Variants in ZNRF1 observed in about 807,000 individuals in gnomAD.
The protein encoded by ZNRF1 is zinc and ring finger 1, also known as E3 ubiquitin-protein ligase ZNRF1.
Under a neutral mutation model 18.4 loss-of-function variants are expected in ZNRF1, and 3 were observed. The ratio of observed to expected loss-of-function variants is 0.16; its 90% CI spans 0.07 to 0.42. The LOEUF (loss-of-function observed/expected upper bound fraction) is 0.42. ZNRF1 is among the 10% of genes least tolerant of loss of function. The pLI is 0.99. For synonymous variants in ZNRF1, 157 were observed against 144.2 expected, an observed-to-expected ratio of 1.09 and a Z score of -0.64; for missense variants, 310 against 329.8, an observed-to-expected ratio of 0.94 and a Z score of 0.47.
chr16:75,002,731 T>C (rs974646167), intron 1 of ZNRF1, among the ~76,000 whole-genome samples: 7 of 152,230 alleles, frequency 4.6e-5, no homozygotes, highest in Admixed American at 1.3e-4. Context: ...AGCTCCAGCC[T>C]TGCTCCGCAA....
intron 1 of ZNRF1, chr16:75,000,345 C>CT (rs1324037323): frequency 4.4e-6 from 3 of 682,216 alleles, no homozygotes; most frequent in African/African-American, 1.8e-5. Flanking sequence ...CGAAGCCTAC[C>CT]TATTGGAGTT....
intron 1 of ZNRF1, among the ~76,000 whole-genome samples, chr16:75,078,081 ATGT>A (rs986569492): frequency 1.3e-5 from 2 of 152,122 alleles, no homozygotes; most frequent in Non-Finnish European, 2.9e-5. Context: ...GGTTGCACAC[ATGT>A]TCCCATGTAA....
intron 1 of ZNRF1, among the ~76,000 whole-genome samples, chr16:75,067,010 C>G (rs537798719): frequency 6.6e-6 from 1 of 152,248 alleles, no homozygotes; most frequent in African/African-American, 2.4e-5. Context: ...CTTGAGGTTG[C>G]AGTCAGATGG....
intron 1 of ZNRF1, among the ~76,000 whole-genome samples, chr16:75,057,202 C>T (rs2035680140): frequency 6.6e-6 from 1 of 152,138 alleles, no homozygotes; most frequent in East Asian, 1.9e-4. Context: ...TGTCCCTGCT[C>T]CTTTGACTCC....
At chr16:75,043,245 G>A (rs2035472428) in intron 1 of ZNRF1, among the ~76,000 whole-genome samples, 1 of 152,158 alleles carries the variant, frequency 6.6e-6, no homozygotes, top group African/African-American at 2.4e-5. Flanking sequence ...ATGGTTGATT[G>A]CATTTATCAG....
At chr16:75,106,410 C>T in intron 3 of ZNRF1, 72 bp from the exon 4 acceptor site, 1 of 1,552,270 alleles carries the variant, frequency 6.4e-7, no homozygotes, top group Non-Finnish European at 8.9e-7. Context: ...GAATCTGGCC[C>T]TCTGAAAGAG....
chr16:75,093,302 T>C (rs2036161654), intron 1 of ZNRF1, among the ~76,000 whole-genome samples: 1 of 151,884 alleles, frequency 6.6e-6, no homozygotes, highest in Admixed American at 6.6e-5. Context: ...GGAGAATCGC[T>C]TGAACCCGGG....
At chr16:75,051,529 T>C (rs893645641) in intron 1 of ZNRF1, among the ~76,000 whole-genome samples, 81 of 146,896 alleles carry the variant, frequency 5.5e-4, no homozygotes, top group African/African-American at 1.6e-3. Flanking sequence ...CCTTTTTTTT[T>C]TTGGGGGGGA....
chr16:75,074,627 G>C (rs1276265235), intron 1 of ZNRF1, among the ~76,000 whole-genome samples: 1 of 152,122 alleles, frequency 6.6e-6, no homozygotes, highest in African/African-American at 2.4e-5. Flanking sequence ...GCTTGAACTG[G>C]GGTTGTTGCA....
At chr16:75,005,103 G>A (rs936235216) in intron 1 of ZNRF1, among the ~76,000 whole-genome samples, 5 of 152,080 alleles carry the variant, frequency 3.3e-5, no homozygotes, top group Non-Finnish European at 7.4e-5. Context: ...AGAAGTAATG[G>A]GCCTTCACAT....
intron 1 of ZNRF1, among the ~76,000 whole-genome samples, chr16:75,048,975 A>G (rs951987935): frequency 2.0e-5 from 3 of 147,600 alleles, no homozygotes; most frequent in Admixed American, 2.0e-4. Flanking sequence ...TCCATTCTTT[A>G]TTAGTTTTTT....
chr16:75,083,806 G>A (rs1225558169), intron 1 of ZNRF1, among the ~76,000 whole-genome samples: 3 of 152,144 alleles, frequency 2.0e-5, no homozygotes, highest in African/African-American at 4.8e-5. Flanking sequence ...AAGTTATGGA[G>A]AAAGAGATAA....
At position 74,999,582 on chromosome 16, in the gene ZNRF1, CT is replaced by C. The variant is rs958046864; in HGVS notation, c.-87del. On this transcript the variant is annotated 5_prime_UTR_variant, in exon 1 of 5. Coordinates refer to ENST00000335325, the MANE Select transcript of ZNRF1 (RefSeq NM_032268.5). ...GGGTCTCCTTTTTGACTCCCTCCCCCTTTATGCTCGCCCAGCCCTCCCCCTG... is the reference window on the plus strand; with the variant it reads ...GGGTCTCCTTTTTGACTCCCTCCCCCTTATGCTCGCCCAGCCCTCCCCCTG... 9.8e-7 allele frequency: 1 copy of C among 1,021,760 alleles called. No individual in the cohort carries two copies. Among genetic ancestry groups the C allele is most frequent in the Non-Finnish European group, 1.3e-6 (1 of 781,124 alleles). 63.3% of individuals were successfully genotyped at this position (1,021,760 alleles called of 1,614,324 possible).
chr16:75,008,117 G>A (rs931683618), intron 1 of ZNRF1, among the ~76,000 whole-genome samples: 1 of 151,970 alleles, frequency 6.6e-6, no homozygotes, highest in African/African-American at 2.4e-5. Context: ...GGCCTCAAGT[G>A]AGCCTTCCAC....
At chr16:75,037,127 G>C (rs2035385652) in intron 1 of ZNRF1, among the ~76,000 whole-genome samples, 1 of 152,178 alleles carries the variant, frequency 6.6e-6, no homozygotes, top group Non-Finnish European at 1.5e-5. Context: ...GATTCCAGCA[G>C]CATCTTTTGA....
chr16:75,102,667 C>T (rs2036267485), intron 2 of ZNRF1, among the ~76,000 whole-genome samples: 1 of 152,232 alleles, frequency 6.6e-6, no homozygotes, highest in Non-Finnish European at 1.5e-5. Flanking sequence ...TCTCCCTGGA[C>T]TGCCTCTTTA....
intron 1 of ZNRF1, among the ~76,000 whole-genome samples, chr16:75,080,803 G>A (rs2036001347): frequency 6.6e-6 from 1 of 152,176 alleles, no homozygotes; most frequent in Non-Finnish European, 1.5e-5. Flanking sequence ...GAGCCTGGGA[G>A]GTGGAGGTTG....
At chr16:75,005,905 A>G (rs957097580) in intron 1 of ZNRF1, among the ~76,000 whole-genome samples, 1 of 152,192 alleles carries the variant, frequency 6.6e-6, no homozygotes, top group African/African-American at 2.4e-5. Flanking sequence ...CATAGGGTGT[A>G]CATACACGGA....
At chr16:75,106,110 T>G in intron 3 of ZNRF1, 3 of 199,972 alleles carry the variant, frequency 1.5e-5, no homozygotes, top group East Asian at 1.2e-4. Context: ...CCCTTGGGAG[T>G]CTTGGAGACA....
Sources: allele counts gnomAD v4.1 joint callset (sites outside exome capture counted in the v4.1 genomes callset), GRCh38; gene constraint gnomAD v4.1.1; transcripts MANE v1.5; gene names NCBI Gene and HGNC (gene_info 2026-07-23, HGNC 2026-07-21).